Variants in SYT13 observed in about 807,000 individuals in gnomAD.
SYT13 encodes the protein synaptotagmin 13.
SYT13 carries 21 observed loss-of-function variants against 38.6 expected under a neutral mutation model. The observed-to-expected ratio is 0.54, with a 90% CI of 0.39 to 0.78. SYT13 has a LOEUF of 0.78. Among genes scored for constraint, SYT13 ranks in the 30% least tolerant of loss-of-function variants. The pLI, the probability that SYT13 is intolerant of heterozygous loss-of-function variation, is 0.00. For synonymous variants in SYT13, 241 were observed against 237.6 expected, an observed-to-expected ratio of 1.01 and a Z score of -0.13; for missense variants, 495 against 548.7, an observed-to-expected ratio of 0.90 and a Z score of 0.98.
chr11:45,242,130 T>C lies in SYT13; in HGVS notation c.*1922A>G, dbSNP rs1854559008. On this transcript the variant is annotated 3_prime_UTR_variant, in exon 6 of 6. Transcript: ENST00000020926. Reference sequence around the variant, plus strand: ...AGCCCTTACCCATCTTGTCCAGAAATTCTGTCTTAGGGAAGTGGATTAGGG... The same window carrying C: ...AGCCCTTACCCATCTTGTCCAGAAACTCTGTCTTAGGGAAGTGGATTAGGG... 1 of 152,184 alleles carries C rather than the reference T, an allele frequency of 6.6e-6. No homozygotes were observed. The highest frequency in any genetic ancestry group is 2.4e-5 in the African/African-American group (1 of 41,440). The allele number at this position is 152,184 out of a possible 1,614,324, so 9.4% of individuals were successfully genotyped here.
At chr11:45,258,826 C>T (rs1211646053) in intron 1 of SYT13, among the ~76,000 whole-genome samples, 2 of 152,138 alleles carry the variant, frequency 1.3e-5, no homozygotes, top group Non-Finnish European at 2.9e-5. Context: ...GCTCAGGGTC[C>T]TTGGAGGAGA....
chr11:45,283,407 G>A (rs898595678), intron 1 of SYT13, among the ~76,000 whole-genome samples: 2 of 152,188 alleles, frequency 1.3e-5, no homozygotes, highest in African/African-American at 4.8e-5. Context: ...CATCCTCAGA[G>A]AGCTTCCCTG....
rs1051410741 is a variant in SYT13 at position 45,240,603 on chromosome 11, C to G, written c.*3449G>C. 2 of 152,170 alleles carry G rather than the reference C, an allele frequency of 1.3e-5. No individual in the cohort carries two copies. Among genetic ancestry groups the G allele is most frequent in the African/African-American group, 4.8e-5 (2 of 41,430 alleles). 9.4% of individuals were successfully genotyped at this position (152,170 alleles called of 1,614,324 possible). A position where few individuals can be genotyped will look rare whatever the true frequency, so the allele number is the denominator to read the frequency against. On this transcript the variant is annotated 3_prime_UTR_variant, in exon 6 of 6. Transcript: ENST00000020926. ...TGTTTGGAGTGATTTGTCATTCAAC[C>G]CACACAAAAAGTTGTATCTCAAATC...
At position 45,243,701 on chromosome 11, in the gene SYT13, C is replaced by T. The variant is rs1854579917; in HGVS notation, c.*351G>A. 5.0e-6 allele frequency: 1 copy of T among 201,156 alleles called. No individual in the cohort carries two copies. Among genetic ancestry groups the T allele is most frequent in the Non-Finnish European group, 9.9e-6 (1 of 100,864 alleles). 12.5% of individuals were successfully genotyped at this position (201,156 alleles called of 1,614,324 possible). A position where few individuals can be genotyped will look rare whatever the true frequency, so the allele number is the denominator to read the frequency against. On this transcript the variant is annotated 3_prime_UTR_variant, in exon 6 of 6. Coordinates refer to ENST00000020926, the MANE Select transcript of SYT13 (RefSeq NM_020826.3). ...CACTTCCTTCATCATTTTTGAAATG[C>T]TTGTTTTTCAAAAAGCCAAATTCTT...
chr11:45,280,376 A>G (rs2135911788), intron 1 of SYT13, among the ~76,000 whole-genome samples: 1 of 152,296 alleles, frequency 6.6e-6, no homozygotes, highest in Non-Finnish European at 1.5e-5. Flanking sequence ...AAAAAAACAC[A>G]AAAAGGAGGC....
chr11:45,249,997 C>T (rs1240542959), intron 4 of SYT13, among the ~76,000 whole-genome samples: 1 of 152,164 alleles, frequency 6.6e-6, no homozygotes, highest in Non-Finnish European at 1.5e-5. Context: ...GAACTGGGCA[C>T]CGTGGGCAAG....
At chr11:45,271,838 A>T (rs1178960017) in intron 1 of SYT13, among the ~76,000 whole-genome samples, 2 of 152,174 alleles carry the variant, frequency 1.3e-5, no homozygotes, top group Non-Finnish European at 2.9e-5. Flanking sequence ...CCTCAAGAAA[A>T]ATACACTTCA....
Position 45,242,372 on chromosome 11 carries a change from C to A in SYT13, c.*1680G>T, listed in dbSNP as rs929963124. On this transcript the variant is annotated 3_prime_UTR_variant, in exon 6 of 6. Coordinates refer to ENST00000020926, the MANE Select transcript of SYT13 (RefSeq NM_020826.3). ...TCACCTGAGATCTGGAGTTGAAGAC[C>A]AGCCTGGCCAACATGGTGAAACCCC... 1 of 152,084 alleles carries A rather than the reference C, an allele frequency of 6.6e-6. No homozygotes were observed. The highest frequency in any genetic ancestry group is 2.4e-5 in the African/African-American group (1 of 41,396). The allele number at this position is 152,084 out of a possible 1,614,324, so 9.4% of individuals were successfully genotyped here.
Position 45,244,074 on chromosome 11 carries a change from A to T in SYT13, c.1259T>A (p.Met420Lys). 2 of 1,604,652 alleles carry T rather than the reference A, an allele frequency of 1.2e-6. No homozygotes were observed. Among genetic ancestry groups the T allele is most frequent in the Non-Finnish European group, 1.7e-6 (2 of 1,177,140 alleles). The change falls in exon 6 of 6, where the codon ATG (methionine) becomes AAG (lysine). Residue 420 changes from methionine (M) to lysine (K), a missense_variant. Coordinates refer to ENST00000020926, the MANE Select transcript of SYT13 (RefSeq NM_020826.3). ...TGGTTACAGGTGCAGCTGGTGCCACATGGCAATCTGCCGGCGAGGGTTTTT... is the reference window on the plus strand; with the variant it reads ...TGGTTACAGGTGCAGCTGGTGCCACTTGGCAATCTGCCGGCGAGGGTTTTT... ...MLKNPRRQIA[M>K]WHQLHL is the part of the protein sequence containing the mutation.
At chr11:45,259,887 T>C (rs904197648) in intron 1 of SYT13, among the ~76,000 whole-genome samples, 6 of 152,172 alleles carry the variant, frequency 3.9e-5, no homozygotes, top group African/African-American at 1.4e-4. Flanking sequence ...AGAACCTGTG[T>C]CCTTGATGGC....
chr11:45,276,270 A>C (rs543338514), intron 1 of SYT13, among the ~76,000 whole-genome samples: 5 of 152,364 alleles, frequency 3.3e-5, no homozygotes, highest in Middle Eastern at 3.4e-3. Flanking sequence ...GGATGAGTTC[A>C]TGTCCTTTGC....
At chr11:45,256,631 G>GT (rs1427016416) in intron 1 of SYT13, among the ~76,000 whole-genome samples, 4 of 152,190 alleles carry the variant, frequency 2.6e-5, no homozygotes, top group African/African-American at 9.6e-5. Context: ...ACCCTATATT[G>GT]TTTTGGTCAT....
intron 1 of SYT13, among the ~76,000 whole-genome samples, chr11:45,285,039 C>T (rs1400634499): frequency 6.6e-6 from 1 of 152,178 alleles, no homozygotes; most frequent in East Asian, 1.9e-4. Flanking sequence ...CTCCTGGAAC[C>T]ATACAGTCTA....
Position 45,244,375 on chromosome 11 carries a change from G to C in SYT13, c.977-19C>G. 1 of 1,601,826 alleles carries C rather than the reference G, an allele frequency of 6.2e-7. No homozygotes were observed. The highest frequency in any genetic ancestry group is 8.5e-7 in the Non-Finnish European group (1 of 1,173,134). ...GAGACATCTGGGGAGGGGCAGAGGGGAAAAAGAGACAGAGAGAAGGGACAA... is the reference window on the plus strand; with the variant it reads ...GAGACATCTGGGGAGGGGCAGAGGGCAAAAAGAGACAGAGAGAAGGGACAA... On this transcript the variant is annotated intron_variant, in intron 5 of 5. Transcript: ENST00000020926.
intron 1 of SYT13, among the ~76,000 whole-genome samples, chr11:45,259,034 C>A (rs1000746085): frequency 6.6e-6 from 1 of 152,112 alleles, no homozygotes; most frequent in African/African-American, 2.4e-5. Flanking sequence ...CTTCAAATTT[C>A]TTGTCATTTC....
chr11:45,250,113 G>T (rs1182644693), intron 4 of SYT13, among the ~76,000 whole-genome samples: 1 of 152,130 alleles, frequency 6.6e-6, no homozygotes, highest in African/African-American at 2.4e-5. Flanking sequence ...TGGGGCGAGG[G>T]GCTGCCTGGC....
chr11:45,248,075 A>G (rs1324965127), intron 4 of SYT13, among the ~76,000 whole-genome samples: 1 of 152,230 alleles, frequency 6.6e-6, no homozygotes, highest in East Asian at 1.9e-4. Context: ...TACTACCTCT[A>G]TGACCTTGGG....
chr11:45,267,650 A>C (rs932948832), intron 1 of SYT13, among the ~76,000 whole-genome samples: 3 of 151,960 alleles, frequency 2.0e-5, no homozygotes, highest in African/African-American at 7.3e-5. Flanking sequence ...CCCCGGCAAC[A>C]CTGATTTGCC....
At chr11:45,276,712 TAAAAA>T (rs202057732) in intron 1 of SYT13, among the ~76,000 whole-genome samples, 12,124 of 131,366 alleles carry the variant, frequency 0.092, 1,280 homozygotes, top group African/African-American at 0.27. Context: ...GATGACTTTT[TAAAAA>T]AAAAAAATAA....
Sources: allele counts gnomAD v4.1 joint callset (sites outside exome capture counted in the v4.1 genomes callset), GRCh38; gene constraint gnomAD v4.1.1; transcripts MANE v1.5; gene names NCBI Gene and HGNC (gene_info 2026-07-23, HGNC 2026-07-21).